NEDD4L: variants seen among roughly 807,000 people sequenced by gnomAD.
NEDD4L encodes the protein E3 ubiquitin-protein ligase NEDD4-like.
A neutral mutation model predicts 148.9 loss-of-function variants in NEDD4L; 54 were observed. That is an observed-to-expected ratio of 0.36 (90% confidence interval 0.29 to 0.45). The LOEUF (loss-of-function observed/expected upper bound fraction) is 0.45. Ranked by LOEUF, NEDD4L falls within the 20% of genes least tolerant of loss-of-function variation. The pLI is 1.00. For synonymous variants in NEDD4L, 433 were observed against 440.7 expected (o/e 0.98, Z 0.22); for missense variants, 856 against 1,233.8 (o/e 0.69, Z 4.59).
chr18:58,153,334 C>CT (rs58164854), intron 1 of NEDD4L, among the ~76,000 whole-genome samples: 2,997 of 128,146 alleles, frequency 0.023, 55 homozygotes, highest in Non-Finnish European at 0.035. Flanking sequence ...AAGAGATTGA[C>CT]TTTTTTTTTT....
intron 22 of NEDD4L, among the ~76,000 whole-genome samples, chr18:58,369,675 G>T (rs1436583830): frequency 6.6e-6 from 1 of 152,188 alleles, no homozygotes; most frequent in African/African-American, 2.4e-5. Flanking sequence ...AGCCTGGGGT[G>T]CCAGGTCTGG....
chr18:58,183,079 G>A (rs183249054), intron 2 of NEDD4L, among the ~76,000 whole-genome samples: 4 of 152,308 alleles, frequency 2.6e-5, no homozygotes, highest in South Asian at 4.2e-4. Flanking sequence ...AGTAACTTCA[G>A]CACACCCTGA....
At chr18:58,335,273 G>A (rs2041577680) in intron 12 of NEDD4L, among the ~76,000 whole-genome samples, 1 of 152,192 alleles carries the variant, frequency 6.6e-6, no homozygotes, top group African/African-American at 2.4e-5. Context: ...GGTCAAGGAT[G>A]AGCCACCTTG....
rs571287828 is a variant in NEDD4L, at chr18:58,395,107, A to G, written c.2826-1060A>G. On this transcript the variant is annotated intron_variant, in intron 30 of 30. Coordinates refer to ENST00000400345, the MANE Select transcript of NEDD4L (RefSeq NM_001144967.3). ...CCTTACAAAGTGATTGCCAGGGTTC[A>G]TAACATTGAGACAAGGCTGATGGGG... Among the ~76,000 whole-genome samples the G allele has an allele frequency of 4.6e-5, 7 of 152,338 alleles. No homozygotes were observed. In the East Asian group the frequency reaches 1.3e-3, roughly 29 times the overall value.
At chr18:58,365,964 G>T (rs773263967) in intron 20 of NEDD4L, 35 bp from the exon 21 acceptor site, 87 of 1,436,312 alleles carry the variant, frequency 6.1e-5, no homozygotes, top group Non-Finnish European at 8.0e-5. Flanking sequence ...TGTATTTACT[G>T]TATGATTATG....
intron 2 of NEDD4L, chr18:58,221,509 C>T (rs1212016973): frequency 1.0e-6 from 1 of 980,352 alleles, no homozygotes; most frequent in Non-Finnish European, 1.2e-6. Context: ...ACAAGCATTT[C>T]TTTCTACCTG....
At chr18:58,202,392 A>G (rs1306364280) in intron 2 of NEDD4L, among the ~76,000 whole-genome samples, 1 of 152,246 alleles carries the variant, frequency 6.6e-6, no homozygotes. Flanking sequence ...CATGGGCAGC[A>G]GCATCCCCGG....
intron 2 of NEDD4L, among the ~76,000 whole-genome samples, chr18:58,183,924 C>A (rs2039134620): frequency 6.6e-6 from 1 of 152,170 alleles, no homozygotes; most frequent in Admixed American, 6.5e-5. Context: ...AATCCCAGCA[C>A]TTTGGGAGGC....
intron 2 of NEDD4L, among the ~76,000 whole-genome samples, chr18:58,168,668 TC>T (rs146437225): frequency 0.029 from 4,439 of 152,230 alleles, 220 homozygotes; most frequent in African/African-American, 0.1. Flanking sequence ...CTGTGCCTGA[TC>T]AGACACCTCA....
chr18:58,192,707 G>GTTC (rs10660224), intron 2 of NEDD4L, among the ~76,000 whole-genome samples: 10 of 151,728 alleles, frequency 6.6e-5, no homozygotes, highest in Non-Finnish European at 1.5e-4. Flanking sequence ...CTGTCTCTTT[G>GTTC]AGGGGAGTTC....
rs2081490569 is a variant in NEDD4L, at chr18:58,044,687, C to T, written c.27C>T (p.Val9=). The T allele has an allele frequency of 6.2e-7, 1 of 1,609,308 alleles. No homozygotes were observed. The highest frequency in any genetic ancestry group is 8.5e-7 in the Non-Finnish European group (1 of 1,177,916). Residue 9 remains valine, a synonymous_variant, in exon 1 of 31, where the codon GTC becomes GTT. Coordinates refer to ENST00000400345, the MANE Select transcript of NEDD4L (RefSeq NM_001144967.3). The stretch of plus-strand genomic sequence containing the variant: ...TGGCGACCGGGCTCGGGGAGCCGGT[C>T]TATGGACTTTCCGAAGACGAGGTGA... MATGLGEP[V]YGLSEDEGES...
intron 5 of NEDD4L, among the ~76,000 whole-genome samples, chr18:58,281,206 G>C (rs557989750): frequency 6.6e-6 from 1 of 152,176 alleles, no homozygotes; most frequent in South Asian, 2.1e-4. Context: ...TTGAACTCCT[G>C]AGCTCAAGCA....
chr18:58,314,066 A>C (rs1422004237), intron 5 of NEDD4L, among the ~76,000 whole-genome samples: 2 of 152,212 alleles, frequency 1.3e-5, no homozygotes, highest in Admixed American at 1.3e-4. Flanking sequence ...GTCAATATTC[A>C]GTGAATTTCT....
At chr18:58,121,041 T>G (rs1568244884) in intron 1 of NEDD4L, among the ~76,000 whole-genome samples, 1 of 152,166 alleles carries the variant, frequency 6.6e-6, no homozygotes, top group Non-Finnish European at 1.5e-5. Flanking sequence ...TTGTTAAAAT[T>G]TAATTTAGCC....
intron 2 of NEDD4L, among the ~76,000 whole-genome samples, chr18:58,224,878 T>TTAA (rs1364453285): frequency 6.6e-6 from 1 of 152,236 alleles, no homozygotes; most frequent in East Asian, 1.9e-4. Context: ...TGTTTATTTA[T>TTAA]ATTTAAATAT....
chr18:58,361,553 T>A (rs958087772), intron 19 of NEDD4L, among the ~76,000 whole-genome samples: 2 of 152,204 alleles, frequency 1.3e-5, no homozygotes, highest in Non-Finnish European at 2.9e-5. Context: ...CTTATTCTGT[T>A]GCTGACAGTC....
intron 1 of NEDD4L, among the ~76,000 whole-genome samples, chr18:58,109,710 A>T (rs2085304498): frequency 6.6e-6 from 1 of 151,348 alleles, no homozygotes; most frequent in East Asian, 2.0e-4. Context: ...AGCTGGGATT[A>T]CAGGTGCCCC....
intron 2 of NEDD4L, among the ~76,000 whole-genome samples, chr18:58,222,915 G>A (rs531035497): frequency 1.8e-4 from 27 of 152,314 alleles, no homozygotes; most frequent in African/African-American, 6.3e-4. Context: ...ACAAAAGGAA[G>A]CAAATAACTC....
intron 2 of NEDD4L, among the ~76,000 whole-genome samples, chr18:58,234,043 C>CT (rs2045586517): frequency 5.4e-5 from 7 of 130,798 alleles, no homozygotes; most frequent in Non-Finnish European, 8.4e-5. Flanking sequence ...TCATTTCTTT[C>CT]CTTTTCTTTC....
Sources: gnomAD v4.1 joint callset for allele counts (sites outside exome capture counted in the v4.1 genomes callset) on GRCh38, gnomAD v4.1.1 for gene constraint, MANE v1.5 for transcripts, NCBI Gene and HGNC (gene_info 2026-07-23, HGNC 2026-07-21) for gene names.